RUNX1: variants seen among roughly 807,000 people sequenced by gnomAD.
The protein encoded by RUNX1 is RUNX family transcription factor 1, also known as runt-related transcription factor 1.
Under a neutral mutation model 42.8 loss-of-function variants are expected in RUNX1, and 19 were observed. That is an observed-to-expected ratio of 0.44 (90% CI 0.31 to 0.65). The LOEUF (loss-of-function observed/expected upper bound fraction) is 0.65, where lower values mean the gene tolerates loss of function less well. RUNX1 is among the 30% of genes least tolerant of loss of function. The probability of loss-of-function intolerance (pLI) is 0.07; values close to 1 mark genes in which losing one functional copy is unlikely to be tolerated. For synonymous variants in RUNX1, 271 were observed against 289.4 expected, an observed-to-expected ratio of 0.94 and a Z score of 0.64; for missense variants, 528 against 672.0, an observed-to-expected ratio of 0.79 and a Z score of 2.37.
At chr21:34,815,389 T>C (rs2834645) in intron 7 of RUNX1, among the ~76,000 whole-genome samples, 23,544 of 152,192 alleles carry the variant, frequency 0.15, 2,306 homozygotes, top group Non-Finnish European at 0.22. Flanking sequence ...CCTTGGCTTT[T>C]GTAGTTGCTG....
intron 2 of RUNX1, among the ~76,000 whole-genome samples, chr21:35,015,537 T>C (rs947418682): frequency 4.6e-5 from 7 of 152,134 alleles, no homozygotes; most frequent in Non-Finnish European, 1.0e-4. Context: ...ATGATGCCAG[T>C]GGTGGAAGAG....
intron 2 of RUNX1, chr21:35,038,647 G>GTGTGTGTGTGTGTGAT (rs2059334281): frequency 2.2e-6 from 1 of 450,816 alleles, no homozygotes; most frequent in African/African-American, 2.0e-5. Flanking sequence ...GTGTGTGTGT[G>GTGTGTGTGTGTGTGAT]AGATAGAGAG....
chr21:34,791,246 C>T lies in RUNX1; in HGVS notation c.*889G>A, dbSNP rs781132141. The T allele has an allele frequency of 8.6e-6, 2 of 232,912 alleles. No homozygotes were observed. Among genetic ancestry groups the T allele is most frequent in the African/African-American group, 2.2e-5 (1 of 45,302 alleles). 14.4% of individuals were successfully genotyped at this position (232,912 alleles called of 1,614,324 possible). On this transcript the variant is annotated 3_prime_UTR_variant, in exon 9 of 9. Transcript: ENST00000675419. ...TTTTCTAGCCTTCTTCAATGTGATA[C>T]ATTTAACTTTGGCTACTATCAAGAA...
intron 2 of RUNX1, among the ~76,000 whole-genome samples, chr21:34,954,218 G>A (rs1390771530): frequency 6.6e-6 from 1 of 152,142 alleles, no homozygotes; most frequent in Non-Finnish European, 1.5e-5. Context: ...GGCTATAATT[G>A]AGTAGAGATG....
At position 34,998,730 on chromosome 21, in the gene RUNX1, A is replaced by T. The variant is rs2059016398; in HGVS notation, c.58+50112T>A. ...CTAATTTTTTGTATTTTTAGTAGAG[A>T]TGGGGTTTCACCGAGTTAGCCAGGA... On this transcript the variant is annotated intron_variant, in intron 2 of 8. Transcript: ENST00000675419. 2.0e-5 allele frequency among the ~76,000 whole-genome samples: 3 copies of T among 152,062 alleles called. No individual in the cohort carries two copies. In the South Asian group the frequency reaches 6.2e-4, roughly 32 times the overall value.
chr21:34,890,285 G>C (rs1360838718), intron 3 of RUNX1, among the ~76,000 whole-genome samples: 1 of 152,168 alleles, frequency 6.6e-6, no homozygotes, highest in East Asian at 1.9e-4. Context: ...GCGCGGGGCT[G>C]TGCGGCCCGC....
chr21:34,835,772 A>C (rs1463544019), intron 6 of RUNX1, among the ~76,000 whole-genome samples: 2 of 152,154 alleles, frequency 1.3e-5, no homozygotes, highest in African/African-American at 2.4e-5. Flanking sequence ...AGACTGAGAA[A>C]CAGCCTGCCC....
Position 34,868,063 on chromosome 21 carries a change from G to T in RUNX1, c.509-8485C>A, listed in dbSNP as rs536386951. Among the ~76,000 whole-genome samples the T allele has an allele frequency of 2.0e-5, 3 of 152,336 alleles. No homozygotes were observed. In the South Asian group the frequency reaches 6.2e-4, roughly 32 times the overall value. On this transcript the variant is annotated intron_variant, in intron 5 of 8. Transcript: ENST00000675419. ...TTCTTCAGGGAAGGAAGGCTTGGGG[G>T]GCGTCAGCTCCTGCTCACCAGCCTT...
chr21:34,964,594 C>G (rs1473886159), intron 2 of RUNX1, among the ~76,000 whole-genome samples: 1 of 152,050 alleles, frequency 6.6e-6, no homozygotes, highest in Non-Finnish European at 1.5e-5. Context: ...TACAGACACG[C>G]CCTATGCCTT....
intron 6 of RUNX1, among the ~76,000 whole-genome samples, chr21:34,848,521 G>A (rs1241683994): frequency 6.6e-6 from 1 of 152,188 alleles, no homozygotes; most frequent in African/African-American, 2.4e-5. Flanking sequence ...AGCAACCTCT[G>A]CCTCTCGAGT....
chr21:34,814,697 C>T lies in RUNX1; in HGVS notation c.806-15235G>A, dbSNP rs190186265. The stretch of plus-strand genomic sequence containing the variant: ...TGAGCCCTGGGGCACAGGCTGTTTA[C>T]GAAAGACTAAAAGCACCGTTTGTGC... On this transcript the variant is annotated intron_variant, in intron 7 of 8. Coordinates refer to ENST00000675419, the MANE Select transcript of RUNX1 (RefSeq NM_001754.5). Among the ~76,000 whole-genome samples the T allele has an allele frequency of 1.9e-3, 284 of 152,226 alleles. 1 individual carries two copies. The highest frequency in any genetic ancestry group is 2.6e-3 in the Admixed American group (40 of 15,282).
intron 6 of RUNX1, among the ~76,000 whole-genome samples, chr21:34,838,885 A>G (rs1020337667): frequency 3.3e-5 from 5 of 151,714 alleles, no homozygotes; most frequent in African/African-American, 1.2e-4. Context: ...CTTCAATATT[A>G]TTTACCATAC....
chr21:35,005,659 C>T (rs559083308), intron 2 of RUNX1, among the ~76,000 whole-genome samples: 20 of 152,272 alleles, frequency 1.3e-4, no homozygotes, highest in South Asian at 2.1e-4. Flanking sequence ...TCTGCTGGAC[C>T]GACCCTGATA....
Position 34,843,176 on chromosome 21 carries a change from A to T in RUNX1, c.614-8575T>A, listed in dbSNP as rs1056979363. Among the ~76,000 whole-genome samples the T allele has an allele frequency of 6.6e-6, 1 of 152,164 alleles. No homozygotes were observed. The highest frequency in any genetic ancestry group is 1.5e-5 in the Non-Finnish European group (1 of 68,030). On this transcript the variant is annotated intron_variant, in intron 6 of 8. Coordinates refer to ENST00000675419, the MANE Select transcript of RUNX1 (RefSeq NM_001754.5). This position sits in a 1 kb window ranked among gnomAD's most constrained non-coding sequence, Gnocchi z 4.8. ...CACAAACACAGGCATGCATGTAAAC[A>T]CATACAGACACACACATACACAGAC...
intron 6 of RUNX1, among the ~76,000 whole-genome samples, chr21:34,845,370 T>C (rs2057300502): frequency 6.6e-6 from 1 of 152,244 alleles, no homozygotes; most frequent in South Asian, 2.1e-4. Context: ...GACAGCCTTC[T>C]GTCCGGCAAC....
chr21:34,888,711 A>C, intron 3 of RUNX1: 1 of 1,031,880 alleles, frequency 9.7e-7, no homozygotes, highest in Non-Finnish European at 1.2e-6. Flanking sequence ...CCTGGAAATG[A>C]ACGTGCTTTT....
At chr21:34,796,234 TA>T (rs987935796) in intron 8 of RUNX1, among the ~76,000 whole-genome samples, 1 of 152,258 alleles carries the variant, frequency 6.6e-6, no homozygotes, top group Non-Finnish European at 1.5e-5. Context: ...TTCTTCTATG[TA>T]CACATGAGCA....
At chr21:35,015,510 G>A (rs2242887) in intron 2 of RUNX1, among the ~76,000 whole-genome samples, 7,331 of 152,202 alleles carry the variant, frequency 0.048, 598 homozygotes, top group African/African-American at 0.17. Flanking sequence ...CGTCCTACTC[G>A]CCAATAATGA....
At chr21:34,849,526 C>G (rs543479466) in intron 6 of RUNX1, among the ~76,000 whole-genome samples, 203 of 115,824 alleles carry the variant, frequency 1.8e-3, no homozygotes, top group South Asian at 5.1e-3. Context: ...GAATGTGAAT[C>G]CAGAATATTT....
Sources: allele counts gnomAD v4.1 joint callset (sites outside exome capture counted in the v4.1 genomes callset), GRCh38; gene constraint gnomAD v4.1.1; non-coding constraint Gnocchi (gnomAD v3.1); transcripts MANE v1.5; gene names NCBI Gene and HGNC (gene_info 2026-07-23, HGNC 2026-07-21).